Variants in NDUFS4 observed in about 807,000 individuals in gnomAD.
NDUFS4 encodes the protein NADH dehydrogenase [ubiquinone] iron-sulfur protein 4, mitochondrial.
Under a neutral mutation model 24.3 loss-of-function variants are expected in NDUFS4, and 28 were observed. The ratio of observed to expected loss-of-function variants is 1.15; its 90% CI spans 0.85 to 1.58. The LOEUF (loss-of-function observed/expected upper bound fraction) is 1.58. NDUFS4 is among the 40% of genes most tolerant of loss of function. The pLI is 0.00. For synonymous variants in NDUFS4, 93 were observed against 69.7 expected (o/e 1.34, Z -1.67); for missense variants, 223 against 207.9 (o/e 1.07, Z -0.45).
intron 3 of NDUFS4, among the ~76,000 whole-genome samples, chr5:53,649,991 T>A (rs1483524876): frequency 4.1e-4 from 62 of 152,202 alleles, no homozygotes. Context: ...TTATTTTATG[T>A]TTCATATAAT....
intron 1 of NDUFS4, among the ~76,000 whole-genome samples, chr5:53,589,552 C>G (rs1185896252): frequency 6.6e-6 from 1 of 152,150 alleles, no homozygotes; most frequent in Non-Finnish European, 1.5e-5. Flanking sequence ...TACACCTAAC[C>G]AAGAAGTGGC....
chr5:53,648,710 G>A (rs1751931709), intron 3 of NDUFS4, among the ~76,000 whole-genome samples: 1 of 152,112 alleles, frequency 6.6e-6, no homozygotes, highest in African/African-American at 2.4e-5. Context: ...CTGACATCTA[G>A]TTAATAATGG....
At chr5:53,583,064 A>C (rs937326767) in intron 1 of NDUFS4, among the ~76,000 whole-genome samples, 1 of 152,054 alleles carries the variant, frequency 6.6e-6, no homozygotes, top group Non-Finnish European at 1.5e-5. Flanking sequence ...TTTTTAGTAG[A>C]GATGGGCTTT....
chr5:53,568,292 C>G (rs1415875639), intron 1 of NDUFS4, among the ~76,000 whole-genome samples: 2 of 151,972 alleles, frequency 1.3e-5, no homozygotes, highest in African/African-American at 4.8e-5. Flanking sequence ...AATTCAGATG[C>G]CTTGCCCCCC....
rs1752226235 is a variant in NDUFS4 at position 53,658,448 on chromosome 5, A to G, written c.351-103A>G. ...TTACAAATAAAATATTCCATCAATAATGTACTTATTTGATTTTATAGTAGC... is the reference window on the plus strand; with the variant it reads ...TTACAAATAAAATATTCCATCAATAGTGTACTTATTTGATTTTATAGTAGC... On this transcript the variant is annotated intron_variant, in intron 3 of 4. Transcript: ENST00000296684. 7 of 767,842 alleles carry G rather than the reference A, an allele frequency of 9.1e-6. No homozygotes were observed. In the South Asian group the frequency reaches 1.1e-4, roughly 12 times the overall value. The allele number at this position is 767,842 out of a possible 1,614,324, so 47.6% of individuals were successfully genotyped here.
intron 1 of NDUFS4, among the ~76,000 whole-genome samples, chr5:53,562,597 G>A (rs559588205): frequency 2.1e-4 from 32 of 152,128 alleles, no homozygotes; most frequent in African/African-American, 7.0e-4. Context: ...CAGGGAAGAC[G>A]TTTTTTAAAT....
intron 4 of NDUFS4, among the ~76,000 whole-genome samples, chr5:53,665,638 T>C (rs1467704479): frequency 6.6e-6 from 1 of 152,238 alleles, no homozygotes; most frequent in Non-Finnish European, 1.5e-5. Flanking sequence ...GTGCGGGATA[T>C]AATCTCCTGG....
At chr5:53,578,008 A>G (rs1180412879) in intron 1 of NDUFS4, among the ~76,000 whole-genome samples, 1 of 152,226 alleles carries the variant, frequency 6.6e-6, no homozygotes, top group Non-Finnish European at 1.5e-5. Context: ...TTTCTTCAAC[A>G]GCTGCCTTTT....
At chr5:53,673,683 T>C (rs1740365177) in intron 4 of NDUFS4, among the ~76,000 whole-genome samples, 3 of 152,204 alleles carry the variant, frequency 2.0e-5, no homozygotes, top group Admixed American at 2.0e-4. Flanking sequence ...TAACCTTGCA[T>C]TGCAAAGTTT....
intron 4 of NDUFS4, among the ~76,000 whole-genome samples, chr5:53,664,848 C>T (rs1752465791): frequency 6.6e-6 from 1 of 152,202 alleles, no homozygotes; most frequent in Non-Finnish European, 1.5e-5. Context: ...ATTCTCCATC[C>T]AGCTTTGTTC....
chr5:53,562,301 C>G (rs182801919), intron 1 of NDUFS4, among the ~76,000 whole-genome samples: 1 of 152,098 alleles, frequency 6.6e-6, no homozygotes, highest in Non-Finnish European at 1.5e-5. Flanking sequence ...CCCTTCCTCC[C>G]GTACAGATTA....
At chr5:53,628,530 A>C (rs1418179415) in intron 2 of NDUFS4, among the ~76,000 whole-genome samples, 1 of 151,892 alleles carries the variant, frequency 6.6e-6, no homozygotes, top group Non-Finnish European at 1.5e-5. Flanking sequence ...TTTGGTTGGT[A>C]GGCTATTATT....
chr5:53,590,406 AAAT>A (rs1204346764), intron 1 of NDUFS4, among the ~76,000 whole-genome samples: 1 of 152,244 alleles, frequency 6.6e-6, no homozygotes, highest in Non-Finnish European at 1.5e-5. Context: ...AAAGTCTAAA[AAAT>A]CAAGAGGTTA....
rs533914678 is a variant in NDUFS4, at chr5:53,672,136, C to G, written c.425-10982C>G. Among the ~76,000 whole-genome samples the G allele has an allele frequency of 5.3e-5, 8 of 151,908 alleles. No homozygotes were observed. The South Asian group carries it at 1.7e-3, about 32-fold the overall frequency. On this transcript the variant is annotated intron_variant, in intron 4 of 4. Transcript: ENST00000296684. ...TGTAGCTTAGTACTTAGAATTATCCCAGAAGTGAACAACATCAGTAAGGTC... is the reference window on the plus strand; with the variant it reads ...TGTAGCTTAGTACTTAGAATTATCCGAGAAGTGAACAACATCAGTAAGGTC...
At chr5:53,631,960 A>T (rs1751423384) in intron 2 of NDUFS4, among the ~76,000 whole-genome samples, 1 of 152,208 alleles carries the variant, frequency 6.6e-6, no homozygotes, top group Non-Finnish European at 1.5e-5. Context: ...TGGCTAGGAA[A>T]GGGAAATTCC....
At chr5:53,659,030 A>G (rs761886122) in intron 4 of NDUFS4, among the ~76,000 whole-genome samples, 6 of 152,118 alleles carry the variant, frequency 3.9e-5, no homozygotes, top group African/African-American at 7.2e-5. Flanking sequence ...AATCTAGTCT[A>G]TTAATCTATT....
At chr5:53,678,806 C>G (rs1356109136) in intron 4 of NDUFS4, among the ~76,000 whole-genome samples, 3 of 152,166 alleles carry the variant, frequency 2.0e-5, no homozygotes, top group African/African-American at 4.8e-5. Flanking sequence ...TATAATTCGT[C>G]TAACTTACCC....
chr5:53,585,769 G>A (rs951652385), intron 1 of NDUFS4, among the ~76,000 whole-genome samples: 2 of 151,542 alleles, frequency 1.3e-5, no homozygotes, highest in African/African-American at 2.4e-5. Flanking sequence ...AAATTTTTGT[G>A]TGTATGTGTG....
intron 4 of NDUFS4, among the ~76,000 whole-genome samples, chr5:53,680,356 G>T (rs999144570): frequency 5.5e-4 from 84 of 152,048 alleles, no homozygotes; most frequent in Non-Finnish European, 1.9e-4. Flanking sequence ...ATACCCAAAG[G>T]ACTATAAATC....
Sources: allele counts gnomAD v4.1 joint callset (sites outside exome capture counted in the v4.1 genomes callset), GRCh38; gene constraint gnomAD v4.1.1; transcripts MANE v1.5; gene names NCBI Gene and HGNC (gene_info 2026-07-23, HGNC 2026-07-21).